ITGA1: variants seen among roughly 807,000 people sequenced by gnomAD.
ITGA1 encodes the protein integrin subunit alpha 1.
ITGA1 carries 85 observed loss-of-function variants against 145.9 expected under a neutral mutation model. The observed-to-expected ratio is 0.58, with a 90% confidence interval of 0.49 to 0.70. The LOEUF (loss-of-function observed/expected upper bound fraction) is 0.70. ITGA1 is among the 30% of genes least tolerant of loss of function. The pLI is 0.00. For missense variants in ITGA1, 1,351 were observed against 1,418.7 expected (o/e 0.95, Z 0.77); for synonymous variants, 520 against 495.3 (o/e 1.05, Z -0.66).
At position 52,951,425 on chromosome 5, in the gene ITGA1, GAAACAA is replaced by G. The variant is rs143884988; in HGVS notation, c.3496-981_3496-976del. Among the ~76,000 whole-genome samples the G allele has an allele frequency of 5.6e-3, 846 of 152,172 alleles. 8 individuals are homozygous for G. The highest frequency in any genetic ancestry group is 0.019 in the African/African-American group (805 of 41,504). On this transcript the variant is annotated intron_variant, in intron 28 of 28. Coordinates refer to ENST00000282588, the MANE Select transcript of ITGA1 (RefSeq NM_181501.2). ...TTAGTTTTGTTATTCTATAGGATGG[GAAACAA>G]TTGCAGCACTTATAACTTTTTATGA... is the stretch of plus-strand genomic sequence containing the variant.
At chr5:52,815,194 G>A (rs1389234995) in intron 1 of ITGA1, among the ~76,000 whole-genome samples, 2 of 152,050 alleles carry the variant, frequency 1.3e-5, no homozygotes, top group Non-Finnish European at 2.9e-5. Flanking sequence ...AAAAAAACAA[G>A]ATCCACCACG....
chr5:52,942,206 T>C (rs1031803357), intron 26 of ITGA1, among the ~76,000 whole-genome samples: 6 of 152,182 alleles, frequency 3.9e-5, no homozygotes, highest in Non-Finnish European at 5.9e-5. Flanking sequence ...AGTCAGGCAG[T>C]GTGATGGGTC....
intron 2 of ITGA1, among the ~76,000 whole-genome samples, chr5:52,852,377 C>G (rs915539145): frequency 6.6e-6 from 1 of 151,982 alleles, no homozygotes; most frequent in Non-Finnish European, 1.5e-5. Flanking sequence ...GACTCAAGAA[C>G]TATAATCTGG....
At chr5:52,869,528 T>C (rs1334745816) in intron 6 of ITGA1, among the ~76,000 whole-genome samples, 3 of 152,144 alleles carry the variant, frequency 2.0e-5, no homozygotes, top group African/African-American at 7.2e-5. Context: ...TATATTAGTG[T>C]GCGTGAGTGT....
At chr5:52,843,228 GT>G (rs1462913233) in intron 1 of ITGA1, among the ~76,000 whole-genome samples, 23 of 151,948 alleles carry the variant, frequency 1.5e-4, no homozygotes, top group Non-Finnish European at 3.2e-4. Context: ...TTAATCTTAT[GT>G]CATTATTTCA....
At chr5:52,837,472 T>C (rs1736714845) in intron 1 of ITGA1, among the ~76,000 whole-genome samples, 1 of 152,116 alleles carries the variant, frequency 6.6e-6, no homozygotes, top group African/African-American at 2.4e-5. Context: ...TAAAAACATA[T>C]AAAGTTAAAG....
At chr5:52,876,527 T>C (rs921913084) in intron 6 of ITGA1, among the ~76,000 whole-genome samples, 4 of 152,158 alleles carry the variant, frequency 2.6e-5, no homozygotes, top group Non-Finnish European at 1.5e-5. Flanking sequence ...CACTGCTCCC[T>C]CTTCACATTT....
chr5:52,941,632 T>A (rs1331027569), intron 26 of ITGA1, among the ~76,000 whole-genome samples: 1 of 152,212 alleles, frequency 6.6e-6, no homozygotes, highest in Admixed American at 6.5e-5. Context: ...TATTTGTTGA[T>A]TGATTGCTTG....
chr5:52,820,210 C>T (rs1382205921), intron 1 of ITGA1, among the ~76,000 whole-genome samples: 1 of 151,746 alleles, frequency 6.6e-6, no homozygotes, highest in Non-Finnish European at 1.5e-5. Flanking sequence ...ATGATGAGTT[C>T]ATGTCCTTTG....
rs755686588 is a variant in ITGA1 at position 52,925,618 on chromosome 5, C to T, written c.2613+131C>T. The T allele has an allele frequency of 1.8e-4, 122 of 663,374 alleles. 1 individual carries two copies. Among genetic ancestry groups the T allele is most frequent in the Middle Eastern group, 7.6e-4 (2 of 2,648 alleles). 41.1% of individuals were successfully genotyped at this position (663,374 alleles called of 1,614,324 possible). A position where few individuals can be genotyped will look rare whatever the true frequency, so the allele number is the denominator to read the frequency against. ...AGAAGGAATTTTTTACATTAGTCCT[C>T]ACCAATGGTGAAAGTATTAAGCTTT... On this transcript the variant is annotated intron_variant, in intron 19 of 28. Coordinates refer to ENST00000282588, the MANE Select transcript of ITGA1 (RefSeq NM_181501.2).
intron 6 of ITGA1, among the ~76,000 whole-genome samples, chr5:52,877,984 G>A (rs1363429955): frequency 6.6e-6 from 1 of 152,206 alleles, no homozygotes; most frequent in East Asian, 1.9e-4. Flanking sequence ...AATTGGGGAA[G>A]CAAAACAAGG....
At chr5:52,819,058 C>T (rs568037685) in intron 1 of ITGA1, among the ~76,000 whole-genome samples, 28 of 152,096 alleles carry the variant, frequency 1.8e-4, no homozygotes, top group Admixed American at 1.4e-3. Context: ...AGATAGAAAA[C>T]GGCACACTTC....
intron 12 of ITGA1, among the ~76,000 whole-genome samples, chr5:52,906,394 T>G (rs1750408095): frequency 6.6e-6 from 1 of 152,228 alleles, no homozygotes; most frequent in Admixed American, 6.5e-5. Flanking sequence ...AGAGCTTGGA[T>G]TTTATCCTGG....
At chr5:52,930,461 A>C (rs1413138661) in intron 21 of ITGA1, among the ~76,000 whole-genome samples, 1 of 152,198 alleles carries the variant, frequency 6.6e-6, no homozygotes, top group Non-Finnish European at 1.5e-5. Flanking sequence ...TACTAAGGGC[A>C]TGAAACTCCT....
rs1751275207 is a variant in ITGA1, at chr5:52,954,548, T to C, written c.*2097T>C. 1 of 152,192 alleles carries C rather than the reference T, an allele frequency of 6.6e-6. No individual in the cohort carries two copies. The highest frequency in any genetic ancestry group is 2.4e-5 in the African/African-American group (1 of 41,452). The allele number at this position is 152,192 out of a possible 1,614,324, so 9.4% of individuals were successfully genotyped here. A position where few individuals can be genotyped will look rare whatever the true frequency, so the allele number is the denominator to read the frequency against. On this transcript the variant is annotated 3_prime_UTR_variant, in exon 29 of 29. Transcript: ENST00000282588. ...CCGGCACAATTTTTAACATAAGTCATTCCTGGCTATTAAGTAAAATATTTC... is the reference window on the plus strand; with the variant it reads ...CCGGCACAATTTTTAACATAAGTCACTCCTGGCTATTAAGTAAAATATTTC...
chr5:52,860,883 A>G (rs963698711), intron 2 of ITGA1, among the ~76,000 whole-genome samples: 1 of 152,246 alleles, frequency 6.6e-6, no homozygotes, highest in African/African-American at 2.4e-5. Context: ...CCTGGATCTC[A>G]TAAACTATCC....
At chr5:52,948,872 C>T (rs1751174265) in intron 28 of ITGA1, 1 of 152,120 alleles carries the variant, frequency 6.6e-6, no homozygotes, top group Admixed American at 6.6e-5. Flanking sequence ...AAAACCAGAG[C>T]TGATATTTGG....
At chr5:52,827,323 G>T (rs1329326361) in intron 1 of ITGA1, among the ~76,000 whole-genome samples, 1 of 152,146 alleles carries the variant, frequency 6.6e-6, no homozygotes, top group Non-Finnish European at 1.5e-5. Flanking sequence ...TGGATGAGTT[G>T]TTTCTCATGG....
chr5:52,856,773 A>G (rs566395655), intron 2 of ITGA1, among the ~76,000 whole-genome samples: 117 of 152,242 alleles, frequency 7.7e-4, no homozygotes, highest in African/African-American at 2.6e-3. Context: ...GCTGCATAAT[A>G]AGTCATTCCA....
Sources: allele counts gnomAD v4.1 joint callset (sites outside exome capture counted in the v4.1 genomes callset), GRCh38; gene constraint gnomAD v4.1.1; transcripts MANE v1.5; gene names NCBI Gene and HGNC (gene_info 2026-07-23, HGNC 2026-07-21).